The following ANXA8 variants were observed in gnomAD, a reference collection of about 807,000 sequenced individuals.
ANXA8 encodes the protein annexin A8, also known as VAC-beta.
In ANXA8, 9 loss-of-function variants were observed where a neutral mutation model predicts 26.8. The observed-to-expected ratio is 0.34, with a 90% CI of 0.20 to 0.59. The LOEUF (loss-of-function observed/expected upper bound fraction) is 0.59, where lower values mean the gene tolerates loss of function less well. Among genes scored for constraint, ANXA8 ranks in the 20% least tolerant of loss-of-function variants. The pLI is 0.84. For missense variants in ANXA8, 83 were observed against 238.5 expected, an observed-to-expected ratio of 0.35 and a Z score of 4.29; for synonymous variants, 39 against 94.8, an observed-to-expected ratio of 0.41 and a Z score of 3.42.
the ANXA8 span, among the ~76,000 whole-genome samples, chr10:47,681,523 CTTTTTTTTTTTTTTTT>C: frequency 3.7e-5 from 3 of 81,284 alleles, no homozygotes; most frequent in South Asian, 4.1e-4. Flanking sequence ...TTTATTTTTA[CTTTTTTTTTTTTTTTT>C]TTTTTTTTTA....
chr10:47,486,280 C>T (rs2132447159), upstream of ANXA8, among the ~76,000 whole-genome samples: 1 of 150,480 alleles, frequency 6.6e-6, no homozygotes, highest in African/African-American at 2.4e-5. Flanking sequence ...GGTCTGTTAT[C>T]TGCCCTGAGT....
At chr10:47,679,775 G>A in the ANXA8 span, among the ~76,000 whole-genome samples, 7,178 of 151,320 alleles carry the variant, frequency 0.047, 437 homozygotes, top group African/African-American at 0.17. Flanking sequence ...TTAAAAAGGC[G>A]GGCATGGTGG....
the ANXA8 span, among the ~76,000 whole-genome samples, chr10:47,663,552 G>GT: frequency 7.7e-6 from 1 of 129,056 alleles, no homozygotes; most frequent in South Asian, 2.2e-4. Context: ...TGCCCAGCTT[G>GT]TTTTTTATTT....
At chr10:47,575,055 T>C in the ANXA8 span, among the ~76,000 whole-genome samples, 1 of 133,868 alleles carries the variant, frequency 7.5e-6, no homozygotes, top group African/African-American at 3.0e-5. Flanking sequence ...GGAGGGCTTA[T>C]ACCCCCACTA....
chr10:47,627,175 A>G, the ANXA8 span, among the ~76,000 whole-genome samples: 78 of 150,154 alleles, frequency 5.2e-4, 9 homozygotes, highest in African/African-American at 1.7e-3. Flanking sequence ...AAAGGCAAAC[A>G]GGAACAGTAA....
the ANXA8 span, among the ~76,000 whole-genome samples, chr10:47,732,893 G>A: frequency 4.3e-4 from 63 of 147,116 alleles, no homozygotes; most frequent in African/African-American, 1.3e-3. Flanking sequence ...GCAAGCTGGT[G>A]AAGAAATATT....
the ANXA8 span, among the ~76,000 whole-genome samples, chr10:47,554,482 G>A: frequency 6.6e-6 from 1 of 150,832 alleles, no homozygotes; most frequent in Non-Finnish European, 1.5e-5. Context: ...TTCCTGCACA[G>A]CTTTGCCTTC....
At chr10:47,658,030 G>GT in the ANXA8 span, among the ~76,000 whole-genome samples, 54 of 151,902 alleles carry the variant, frequency 3.6e-4, no homozygotes, top group Non-Finnish European at 7.4e-4. Context: ...AACATGTGAA[G>GT]TATCTTTTCC....
the ANXA8 span, among the ~76,000 whole-genome samples, chr10:47,661,009 A>G: frequency 2.7e-5 from 4 of 150,790 alleles, no homozygotes; most frequent in Non-Finnish European, 5.9e-5. Flanking sequence ...TTAATCAAAT[A>G]TTCTGCCCAT....
chr10:47,608,061 T>G, the ANXA8 span, among the ~76,000 whole-genome samples: 1 of 148,834 alleles, frequency 6.7e-6, no homozygotes, highest in Non-Finnish European at 1.5e-5. Context: ...TCTCATACAC[T>G]TATAAGAATA....
At chr10:47,628,804 T>C in the ANXA8 span, among the ~76,000 whole-genome samples, 1 of 149,486 alleles carries the variant, frequency 6.7e-6, no homozygotes, top group Non-Finnish European at 1.5e-5. Context: ...TTTGTGAAGA[T>C]TAAAAGAAAA....
At chr10:47,733,600 A>T in the ANXA8 span, among the ~76,000 whole-genome samples, 1,354 of 128,756 alleles carry the variant, frequency 0.011, no homozygotes, top group African/African-American at 0.042. Context: ...AAAACTAACC[A>T]TCCCTATGTG....
chr10:47,948,475 T>A, the ANXA8 span, among the ~76,000 whole-genome samples: 3 of 135,262 alleles, frequency 2.2e-5, no homozygotes, highest in African/African-American at 5.8e-5. Context: ...ATAAAAAAAT[T>A]TCTTTATGAA....
At chr10:47,953,376 C>T in the ANXA8 span, among the ~76,000 whole-genome samples, 1 of 150,416 alleles carries the variant, frequency 6.6e-6, no homozygotes, top group East Asian at 2.1e-4. Flanking sequence ...ATGTGACGAC[C>T]CCTCACACCA....
the ANXA8 span, among the ~76,000 whole-genome samples, chr10:47,777,736 G>T: frequency 2.0e-5 from 3 of 152,044 alleles, no homozygotes; most frequent in African/African-American, 7.3e-5. Flanking sequence ...TGCCTTCCAT[G>T]GCACAACTAA....
the ANXA8 span, among the ~76,000 whole-genome samples, chr10:47,954,011 A>C: frequency 2.5e-4 from 38 of 150,758 alleles, no homozygotes; most frequent in African/African-American, 9.3e-4. Flanking sequence ...AAATAGAACT[A>C]CCCTATGATC....
At chr10:47,979,074 G>A in the ANXA8 span, among the ~76,000 whole-genome samples, 1 of 150,872 alleles carries the variant, frequency 6.6e-6, no homozygotes, top group Non-Finnish European at 1.5e-5. Flanking sequence ...TATTACAAGA[G>A]ACAAAGAAAA....
the ANXA8 span, among the ~76,000 whole-genome samples, chr10:47,670,995 ATTAC>A: frequency 6.6e-6 from 1 of 151,482 alleles, no homozygotes; most frequent in Admixed American, 6.6e-5. Flanking sequence ...CTGATAAGAA[ATTAC>A]TTAAGACAGA....
chr10:47,768,762 C>T, the ANXA8 span, among the ~76,000 whole-genome samples: 3 of 151,690 alleles, frequency 2.0e-5, no homozygotes, highest in Admixed American at 2.0e-4. Context: ...AGACGGACTG[C>T]TGGTGGAGGT....
Sources: allele counts gnomAD v4.1 joint callset (sites outside exome capture counted in the v4.1 genomes callset), GRCh38; gene constraint gnomAD v4.1.1; transcripts MANE v1.5; gene names NCBI Gene and HGNC (gene_info 2026-07-23, HGNC 2026-07-21).